The following KIAA1328 variants were observed in gnomAD, a reference collection of about 807,000 sequenced individuals.
KIAA1328 encodes the protein protein hinderin.
A neutral mutation model predicts 68.1 loss-of-function variants in KIAA1328; 52 were observed. The ratio of observed to expected loss-of-function variants is 0.76; its 90% CI spans 0.61 to 0.96. The LOEUF (loss-of-function observed/expected upper bound fraction) is 0.96. KIAA1328 is among the 40% of genes least tolerant of loss of function. The pLI is 0.00. For missense variants in KIAA1328, 641 were observed against 677.6 expected, an observed-to-expected ratio of 0.95 and a Z score of 0.60; for synonymous variants, 232 against 239.4, an observed-to-expected ratio of 0.97 and a Z score of 0.28.
rs1428188888 is a variant in KIAA1328, at chr18:37,056,278, T to G, written c.577-10612T>G. 2.0e-5 allele frequency among the ~76,000 whole-genome samples: 3 copies of G among 152,212 alleles called. No individual in the cohort carries two copies. The East Asian group carries it at 5.8e-4, about 29-fold the overall frequency. ...CATATACATATTTATAAATAGGCATTGTTTTCTATGCAGTCTTTAAAACAT... is the reference window on the plus strand; with the variant it reads ...CATATACATATTTATAAATAGGCATGGTTTTCTATGCAGTCTTTAAAACAT... On this transcript the variant is annotated intron_variant, in intron 6 of 9. Coordinates refer to ENST00000280020, the MANE Select transcript of KIAA1328 (RefSeq NM_020776.3).
At chr18:37,218,471 G>A (rs1445395084) in intron 9 of KIAA1328, among the ~76,000 whole-genome samples, 1 of 152,194 alleles carries the variant, frequency 6.6e-6, no homozygotes, top group Non-Finnish European at 1.5e-5. Flanking sequence ...ATTCATATGG[G>A]AAACATGGCT....
chr18:37,023,381 AT>A (rs112443699), intron 6 of KIAA1328, among the ~76,000 whole-genome samples: 8 of 150,136 alleles, frequency 5.3e-5, no homozygotes, highest in Admixed American at 1.3e-4. Context: ...AGCCAGACTA[AT>A]TTTTTTTTTA....
intron 6 of KIAA1328, among the ~76,000 whole-genome samples, chr18:36,985,354 A>G (rs755933695): frequency 6.6e-6 from 1 of 152,204 alleles, no homozygotes; most frequent in Admixed American, 6.5e-5. Flanking sequence ...CGTTTTTTGT[A>G]GAAATTGACA....
chr18:36,896,533 A>G (rs971168302), intron 5 of KIAA1328, among the ~76,000 whole-genome samples: 1 of 152,094 alleles, frequency 6.6e-6, no homozygotes, highest in Admixed American at 6.6e-5. Flanking sequence ...GTGGCTAAGG[A>G]TTTCATTTCT....
At chr18:36,893,270 T>C (rs72887032) in intron 5 of KIAA1328, among the ~76,000 whole-genome samples, 20,706 of 152,002 alleles carry the variant, frequency 0.14, 1,762 homozygotes, top group Admixed American at 0.18. Context: ...CTCTCTTTCT[T>C]TCTTATTTAT....
chr18:37,212,760 G>T (rs887203136), intron 9 of KIAA1328, among the ~76,000 whole-genome samples: 1 of 151,784 alleles, frequency 6.6e-6, no homozygotes, highest in African/African-American at 2.4e-5. Flanking sequence ...TCACTCTGTC[G>T]CCCAGGCTGG....
chr18:36,965,982 A>G (rs576369267), intron 6 of KIAA1328, among the ~76,000 whole-genome samples: 36 of 152,162 alleles, frequency 2.4e-4, no homozygotes, highest in African/African-American at 7.9e-4. Context: ...CTCACAGACT[A>G]AAAGGTCTGT....
At chr18:37,038,762 CAT>C (rs1329191933) in intron 6 of KIAA1328, among the ~76,000 whole-genome samples, 5 of 151,926 alleles carry the variant, frequency 3.3e-5, no homozygotes, top group Non-Finnish European at 5.9e-5. Context: ...TAAGAATACA[CAT>C]ATGTGTTTTG....
At chr18:36,856,064 A>G (rs2047373758) in intron 4 of KIAA1328, among the ~76,000 whole-genome samples, 1 of 151,846 alleles carries the variant, frequency 6.6e-6, no homozygotes, top group Non-Finnish European at 1.5e-5. Context: ...CTTATTGAAG[A>G]TTCCTTGTGT....
At chr18:36,841,965 A>T (rs1471828613) in intron 3 of KIAA1328, among the ~76,000 whole-genome samples, 1 of 147,596 alleles carries the variant, frequency 6.8e-6, no homozygotes, top group East Asian at 2.0e-4. Flanking sequence ...GTTACGTGAG[A>T]TTTCTTTATG....
chr18:36,870,144 G>A (rs2047897843), intron 4 of KIAA1328, among the ~76,000 whole-genome samples: 1 of 152,160 alleles, frequency 6.6e-6, no homozygotes, highest in African/African-American at 2.4e-5. Flanking sequence ...TTACAGGTGT[G>A]AGCCCCTGTG....
chr18:36,893,435 T>TTGTGTG (rs147453972), intron 5 of KIAA1328, among the ~76,000 whole-genome samples: 3 of 139,698 alleles, frequency 2.1e-5, no homozygotes, highest in Non-Finnish European at 3.1e-5. Flanking sequence ...ACCTGGCTAT[T>TTGTGTG]TGTGTGTGTG....
At chr18:36,926,383 C>A (rs891482380) in intron 5 of KIAA1328, among the ~76,000 whole-genome samples, 6 of 147,134 alleles carry the variant, frequency 4.1e-5, no homozygotes, top group African/African-American at 1.5e-4. Context: ...CTCTCTCTCT[C>A]TATTTATTTA....
chr18:37,213,792 A>G (rs1223363392), intron 9 of KIAA1328, among the ~76,000 whole-genome samples: 3 of 152,260 alleles, frequency 2.0e-5, no homozygotes, highest in African/African-American at 7.2e-5. Context: ...CTATTTCTCC[A>G]CATCCTTTCC....
At chr18:36,938,609 A>G (rs887489216) in intron 5 of KIAA1328, among the ~76,000 whole-genome samples, 3 of 152,062 alleles carry the variant, frequency 2.0e-5, no homozygotes, top group East Asian at 1.9e-4. Flanking sequence ...CCATTTGTCT[A>G]TCTTTACTTT....
intron 7 of KIAA1328, among the ~76,000 whole-genome samples, chr18:37,068,977 A>G (rs754840154): frequency 2.0e-5 from 3 of 152,062 alleles, no homozygotes; most frequent in Non-Finnish European, 2.9e-5. Context: ...GAAATTTTTA[A>G]TTTTAATGAA....
intron 9 of KIAA1328, among the ~76,000 whole-genome samples, chr18:37,178,041 T>G (rs950636924): frequency 6.6e-6 from 1 of 152,118 alleles, no homozygotes; most frequent in Non-Finnish European, 1.5e-5. Flanking sequence ...ATTGTGGTTT[T>G]TTTTCTATTA....
At chr18:36,984,450 T>A (rs1449986082) in intron 6 of KIAA1328, among the ~76,000 whole-genome samples, 2 of 152,186 alleles carry the variant, frequency 1.3e-5, no homozygotes, top group Admixed American at 1.3e-4. Flanking sequence ...TCAGTAGTAT[T>A]TCTGTGTCCT....
At chr18:37,077,226 A>G (rs2056771648) in intron 7 of KIAA1328, among the ~76,000 whole-genome samples, 1 of 141,432 alleles carries the variant, frequency 7.1e-6, no homozygotes, top group South Asian at 2.1e-4. Context: ...AGAACCAAAG[A>G]CAAAAACTGC....
Sources: allele counts gnomAD v4.1 joint callset (sites outside exome capture counted in the v4.1 genomes callset), GRCh38; gene constraint gnomAD v4.1.1; transcripts MANE v1.5; gene names NCBI Gene and HGNC (gene_info 2026-07-23, HGNC 2026-07-21).